The following ZNF541 variants were observed in gnomAD, a reference collection of about 807,000 sequenced individuals.
ZNF541 encodes zinc finger protein 541.
In ZNF541, 23 loss-of-function variants were observed where a neutral mutation model predicts 123.5. That is an observed-to-expected ratio of 0.19 (90% confidence interval 0.13 to 0.26). The LOEUF is 0.26. ZNF541 is among the 10% of genes least tolerant of loss of function. The pLI, the probability that ZNF541 is intolerant of heterozygous loss-of-function variation, is 1.00. For missense variants in ZNF541, 1,612 were observed against 1,789.9 expected (o/e 0.90, Z 1.79); for synonymous variants, 751 against 754.5 (o/e 1.00, Z 0.08).
At chr19:47,540,405 T>C (rs1256995256) in intron 6 of ZNF541, 70 bp from the exon 7 acceptor site, 1 of 1,434,930 alleles carries the variant, frequency 7.0e-7, no homozygotes, top group Non-Finnish European at 9.2e-7. Context: ...TTTTTGTTGT[T>C]TTTTTTTCTT....
At chr19:47,540,754 A>G in intron 6 of ZNF541, 139 bp downstream of exon 6, 1 of 842,864 alleles carries the variant, frequency 1.2e-6, no homozygotes, top group Non-Finnish European at 1.8e-6. Flanking sequence ...TACTCTTGAT[A>G]AACCCTATAA....
chr19:47,555,667 A>T lies in ZNF541; in HGVS notation c.190T>A (p.Ser64Thr). 1 of 1,551,730 alleles carries T rather than the reference A, an allele frequency of 6.4e-7. No homozygotes were observed. The highest frequency in any genetic ancestry group is 8.7e-7 in the Non-Finnish European group (1 of 1,147,006). Residue 64 changes from serine (S) to threonine (T), a missense_variant, in exon 3 of 17, where the codon TCC becomes ACC. Ser to Thr is a moderately conservative substitution (Grantham distance 58). Around this residue, in one of 5 missense-constraint regions of ZNF541, gnomAD observed 212 missense variants for 289.6 expected, o/e 0.73. Coordinates refer to ENST00000391901, the MANE Select transcript of ZNF541 (RefSeq NM_001277075.3). The stretch of plus-strand genomic sequence containing the variant: ...AAGTTGTCCTCCAGCACCTCGCTGG[A>T]CATGTCAGGCGTTGGGAGGCTGGGG... Reference protein sequence around the residue: ...PDPSLPTPDMSSEVLEDNLDT... With the variant: ...PDPSLPTPDMTSEVLEDNLDT...
chr19:47,544,375 G>C lies in ZNF541; in HGVS notation c.2154C>G (p.Ala718=). The change falls in exon 5 of 17, where the codon GCC becomes GCG. Residue 718 remains alanine (A), a synonymous_variant. Transcript: ENST00000391901. The stretch of plus-strand genomic sequence containing the variant: ...TTGAAGCCGCGCCATTCTCGGCTGG[G>C]GCCTGCTTCCCTGGCAGCGAGGCTC... ...PPGASLPGKQ[A]PAENGAASRI... is the part of the protein sequence containing the mutation. 6.4e-7 allele frequency: 1 copy of C among 1,551,666 alleles called. No individual in the cohort carries two copies. The highest frequency in any genetic ancestry group is 1.2e-5 in the South Asian group (1 of 84,062).
chr19:47,567,147 A>G (rs1229672127), intron 2 of ZNF541, among the ~76,000 whole-genome samples: 2 of 152,196 alleles, frequency 1.3e-5, no homozygotes, highest in Non-Finnish European at 2.9e-5. Flanking sequence ...TTTCTGTGCT[A>G]CTAAGCCTGC....
intron 14 of ZNF541, among the ~76,000 whole-genome samples, chr19:47,525,748 C>T (rs953794545): frequency 6.6e-6 from 1 of 151,914 alleles, no homozygotes; most frequent in Non-Finnish European, 1.5e-5. Flanking sequence ...CCCGTCTCTA[C>T]TAAAAATACA....
chr19:47,572,489 G>A lies in ZNF541; in HGVS notation c.-245-447C>T, dbSNP rs369587797. On this transcript the variant is annotated intron_variant, in intron 1 of 16. Transcript: ENST00000391901. Reference sequence around the variant, plus strand: ...TCCTGAACGGATGAAAAAAAACTGGGTTAATTTTTTTTCTTTTTTTGCGCT... The same window carrying A: ...TCCTGAACGGATGAAAAAAAACTGGATTAATTTTTTTTCTTTTTTTGCGCT... Among the ~76,000 whole-genome samples the A allele has an allele frequency of 1.2e-4, 18 of 152,204 alleles. No individual in the cohort carries two copies. The South Asian group carries it at 2.9e-3, about 25-fold the overall frequency.
At chr19:47,553,736 C>T (rs938728331) in intron 3 of ZNF541, among the ~76,000 whole-genome samples, 48 of 152,024 alleles carry the variant, frequency 3.2e-4, no homozygotes, top group African/African-American at 1.1e-3. Context: ...GATGGGGTTT[C>T]GCCATGTTGG....
chr19:47,539,644 T>C, intron 8 of ZNF541, 61 bp downstream of exon 8: 4 of 1,374,248 alleles, frequency 2.9e-6, no homozygotes, highest in South Asian at 1.9e-5. Context: ...GGGTTTTTCC[T>C]ACGGCTTCCC....
chr19:47,560,303 T>C (rs1479862110), intron 2 of ZNF541, among the ~76,000 whole-genome samples: 1 of 152,026 alleles, frequency 6.6e-6, no homozygotes, highest in Non-Finnish European at 1.5e-5. Context: ...GAGCCAGGCA[T>C]GGTGGCTCAT....
rs145520324 is a variant in ZNF541, at chr19:47,520,740, C to G, written c.*484G>C. On this transcript the variant is annotated 3_prime_UTR_variant, in exon 17 of 17. Transcript: ENST00000391901. Reference sequence around the variant, plus strand: ...ACGAGTTGACATGTACAAAAAACACCGAACAATGCAGAATTCATCGCAAGA... The same window carrying G: ...ACGAGTTGACATGTACAAAAAACACGGAACAATGCAGAATTCATCGCAAGA... The G allele has an allele frequency of 5.4e-3, 835 of 154,102 alleles. 5 individuals are homozygous for G. Among genetic ancestry groups the G allele is most frequent in the Non-Finnish European group, 9.3e-3 (648 of 69,316 alleles). 9.5% of individuals were successfully genotyped at this position (154,102 alleles called of 1,614,324 possible).
rs1288748288 is a variant in ZNF541, at chr19:47,544,945, G to A, written c.1584C>T (p.Gly528=). The change falls in exon 5 of 17, where the codon GGC becomes GGT. Residue 528 remains glycine (G), a synonymous_variant. Transcript: ENST00000391901. Reference sequence around the variant, plus strand: ...GCGGCGAGGCATCCGCAGGGAGCCCGCCTGCCTTCTGGGCCTCCTGGAGGC... The same window carrying A: ...GCGGCGAGGCATCCGCAGGGAGCCCACCTGCCTTCTGGGCCTCCTGGAGGC... ...EPGLQEAQKA[G]GLPADASPLF... 6.5e-7 allele frequency: 1 copy of A among 1,535,268 alleles called. No homozygotes were observed. The highest frequency in any genetic ancestry group is 2.0e-5 in the Admixed American group (1 of 50,940).
intron 3 of ZNF541, 42 bp downstream of exon 3, chr19:47,555,508 C>A: frequency 6.7e-7 from 1 of 1,481,670 alleles, no homozygotes; most frequent in South Asian, 1.4e-5. Context: ...CAGAAACTGT[C>A]GAACATCCTG....
In ZNF541 at chr19:47,544,470, AG is replaced by A. The variant is rs1970225083; in HGVS notation, c.2058del (p.Leu687TrpfsTer17). On this transcript the variant is annotated frameshift_variant, in exon 5 of 17. Transcript: ENST00000391901. LOFTEE classifies it high-confidence loss of function. Reference protein sequence around the residue: ...LAKQLRSSKGTLDLEDIFPST... With the variant: ...LAKQLRSSKGXLDLEDIFPST... ...GAGGGGAAGATGTCCTCCAGGTCCA[AG>A]GTCCCTTTAGAGGATCGCAGCTGCT... The A allele has an allele frequency of 6.4e-7, 1 of 1,551,548 alleles. No individual in the cohort carries two copies. Among genetic ancestry groups the A allele is most frequent in the Non-Finnish European group, 8.7e-7 (1 of 1,147,006 alleles).
intron 14 of ZNF541, among the ~76,000 whole-genome samples, chr19:47,528,598 G>C (rs905091341): frequency 1.3e-5 from 2 of 152,014 alleles, no homozygotes; most frequent in Non-Finnish European, 2.9e-5. Flanking sequence ...GATTACAGGC[G>C]TAAGCCACCA....
intron 14 of ZNF541, among the ~76,000 whole-genome samples, chr19:47,526,913 A>C (rs143197549): frequency 7.1e-4 from 108 of 152,288 alleles, no homozygotes; most frequent in Admixed American, 2.1e-3. Flanking sequence ...GTCATCCCAA[A>C]CTGGAAACCA....
At chr19:47,548,103 T>C (rs1970433339) in intron 4 of ZNF541, among the ~76,000 whole-genome samples, 1 of 137,330 alleles carries the variant, frequency 7.3e-6, no homozygotes, top group African/African-American at 2.8e-5. Context: ...AGGAAAAGAA[T>C]GAGTTTTTTA....
chr19:47,538,015 G>C, intron 9 of ZNF541, 127 bp downstream of exon 9: 1 of 1,118,020 alleles, frequency 8.9e-7, no homozygotes, highest in Non-Finnish European at 1.3e-6. Context: ...GAATAGCAAA[G>C]GAACCCTCAG....
intron 2 of ZNF541, among the ~76,000 whole-genome samples, chr19:47,563,014 T>G (rs564383210): frequency 6.6e-6 from 1 of 152,238 alleles, no homozygotes; most frequent in Non-Finnish European, 1.5e-5. Flanking sequence ...AGTTTGGGAC[T>G]AGATTTCTAG....
At chr19:47,561,705 T>C (rs1238698791) in intron 2 of ZNF541, among the ~76,000 whole-genome samples, 1 of 147,624 alleles carries the variant, frequency 6.8e-6, no homozygotes, top group East Asian at 1.9e-4. Flanking sequence ...TTGTTTTTTG[T>C]TTTCTGTTTT....
Sources: allele counts gnomAD v4.1 joint callset (sites outside exome capture counted in the v4.1 genomes callset), GRCh38; gene constraint gnomAD v4.1.1; regional missense constraint gnomAD v4.1.1; transcripts MANE v1.5; gene names NCBI Gene and HGNC (gene_info 2026-07-23, HGNC 2026-07-21).